The following STPG2 variants were observed in gnomAD, a reference collection of about 807,000 sequenced individuals.
STPG2 encodes sperm tail PG-rich repeat containing 2, also known as sperm-tail PG-rich repeat-containing protein 2.
STPG2 carries 56 observed loss-of-function variants against 54.2 expected under a neutral mutation model. That is an observed-to-expected ratio of 1.03 (90% CI 0.83 to 1.29). The LOEUF is 1.29. Ranked by LOEUF, STPG2 falls within the 50% of genes most tolerant of loss-of-function variation. STPG2 has a pLI of 0.00. For missense variants in STPG2, 596 were observed against 544.9 expected, an observed-to-expected ratio of 1.09 and a Z score of -0.93; for synonymous variants, 200 against 181.8, an observed-to-expected ratio of 1.10 and a Z score of -0.81.
chr4:98,023,696 C>G (rs1343421562), intron 5 of STPG2, among the ~76,000 whole-genome samples: 1 of 152,254 alleles, frequency 6.6e-6, no homozygotes, highest in African/African-American at 2.4e-5. Context: ...TTCGAGCTTT[C>G]TGGCTGCTTT....
intron 5 of STPG2, among the ~76,000 whole-genome samples, chr4:98,042,495 T>A (rs1428045673): frequency 3.3e-5 from 5 of 151,862 alleles, no homozygotes; most frequent in Non-Finnish European, 7.4e-5. Flanking sequence ...TTTTGCTGTG[T>A]CCCAGATGTT....
chr4:97,881,938 A>T (rs368886794), intron 8 of STPG2, among the ~76,000 whole-genome samples: 1 of 152,168 alleles, frequency 6.6e-6, no homozygotes, highest in Admixed American at 6.6e-5. Context: ...TCCTAACAAC[A>T]AAATCTAATT....
chr4:97,586,545 G>A (rs1733002848), intron 10 of STPG2, among the ~76,000 whole-genome samples: 1 of 151,872 alleles, frequency 6.6e-6, no homozygotes, highest in African/African-American at 2.4e-5. Context: ...TTTTGAAAAT[G>A]AAAGACAAAA....
chr4:97,791,109 G>T (rs1726976762), intron 9 of STPG2, among the ~76,000 whole-genome samples: 1 of 152,060 alleles, frequency 6.6e-6, no homozygotes, highest in African/African-American at 2.4e-5. Flanking sequence ...ACTGACATAG[G>T]TTCATTTGAA....
At chr4:98,054,792 A>T (rs958346530) in intron 5 of STPG2, among the ~76,000 whole-genome samples, 7 of 152,190 alleles carry the variant, frequency 4.6e-5, no homozygotes, top group Non-Finnish European at 8.8e-5. Context: ...TCAATAAGTT[A>T]TAAGTTCAGC....
At chr4:97,867,168 T>C (rs1210000017) in intron 8 of STPG2, among the ~76,000 whole-genome samples, 1 of 152,000 alleles carries the variant, frequency 6.6e-6, no homozygotes, top group Non-Finnish European at 1.5e-5. Context: ...GTTTAAGCCT[T>C]TTAGATTATA....
intron 9 of STPG2, among the ~76,000 whole-genome samples, chr4:97,732,082 G>T (rs1444053563): frequency 6.6e-6 from 1 of 151,844 alleles, no homozygotes; most frequent in Non-Finnish European, 1.5e-5. Flanking sequence ...AGACAGCCCT[G>T]CTCTCTCTCA....
chr4:97,528,334 C>G (rs1033521904), intron 4 of STPG2, among the ~76,000 whole-genome samples: 1 of 151,812 alleles, frequency 6.6e-6, no homozygotes, highest in Non-Finnish European at 1.5e-5. Context: ...ATTTCTGAGG[C>G]CTCTGTTCTA....
At chr4:97,594,859 T>C (rs188703075) in intron 10 of STPG2, among the ~76,000 whole-genome samples, 58 of 152,330 alleles carry the variant, frequency 3.8e-4, no homozygotes, top group African/African-American at 1.3e-3. Flanking sequence ...ATGCTCATCA[T>C]CACTGGCCTT....
chr4:97,922,653 C>T (rs960731136), intron 8 of STPG2, among the ~76,000 whole-genome samples: 2 of 152,200 alleles, frequency 1.3e-5, no homozygotes, highest in Non-Finnish European at 2.9e-5. Context: ...TAGGAATCTG[C>T]AAACCATATT....
chr4:97,570,161 G>A (rs558319851), intron 10 of STPG2, among the ~76,000 whole-genome samples: 1 of 152,204 alleles, frequency 6.6e-6, no homozygotes, highest in Admixed American at 6.5e-5. Context: ...ATCCTGGATT[G>A]AATATTGTAT....
chr4:97,574,056 T>C lies in STPG2; in HGVS notation c.1321-14939A>G, dbSNP rs186435354. On this transcript the variant is annotated intron_variant, in intron 10 of 10. Coordinates refer to ENST00000295268, the MANE Select transcript of STPG2 (RefSeq NM_174952.3). ...GAAGAATCTTCATTTGCCATGAAGG[T>C]AACACATTTACTAATTCCAGGGATT... Among the ~76,000 whole-genome samples the C allele has an allele frequency of 3.5e-3, 527 of 152,232 alleles. 4 individuals are homozygous for C. The highest frequency in any genetic ancestry group is 0.012 in the African/African-American group (490 of 41,556).
chr4:98,022,922 A>C (rs571602724), intron 5 of STPG2, among the ~76,000 whole-genome samples: 1 of 151,942 alleles, frequency 6.6e-6, no homozygotes, highest in African/African-American at 2.4e-5. Flanking sequence ...CATTCATCTA[A>C]TTTTTTTCCA....
chr4:97,648,501 C>T (rs746523503), intron 10 of STPG2, among the ~76,000 whole-genome samples: 2 of 152,104 alleles, frequency 1.3e-5, no homozygotes, highest in Admixed American at 6.5e-5. Flanking sequence ...TTACTTGAAT[C>T]GATCTTATGC....
At chr4:97,462,297 C>G (rs1729683271) in intron 4 of STPG2, among the ~76,000 whole-genome samples, 1 of 151,840 alleles carries the variant, frequency 6.6e-6, no homozygotes, top group Admixed American at 6.6e-5. Context: ...TATTGTCTTA[C>G]TTATATTAGT....
In STPG2 at chr4:97,840,936, A is replaced by G. The variant is rs771051659; in HGVS notation, c.1045-4T>C. Reference sequence around the variant, plus strand: ...AGCTGCCTGGCGCTGGAATAACCTGAAAAAAAATTTAATAGATGAGCATAA... The same window carrying G: ...AGCTGCCTGGCGCTGGAATAACCTGGAAAAAAATTTAATAGATGAGCATAA... On this transcript the variant is annotated splice_region_variant and splice_polypyrimidine_tract_variant and intron_variant, in intron 8 of 10. Coordinates refer to ENST00000295268, the MANE Select transcript of STPG2 (RefSeq NM_174952.3). 2.5e-6 allele frequency: 4 copies of G among 1,607,750 alleles called. No individual in the cohort carries two copies. The African/African-American group carries it at 4.0e-5, about 16-fold the overall frequency.
intron 4 of STPG2, among the ~76,000 whole-genome samples, chr4:97,444,222 AG>A (rs1264245229): frequency 2.6e-5 from 4 of 152,178 alleles, no homozygotes; most frequent in African/African-American, 7.2e-5. Flanking sequence ...GAAATGTTAA[AG>A]AAGCAATATT....
chr4:97,571,500 AGTT>A lies in STPG2; in HGVS notation c.1321-12386_1321-12384del, dbSNP rs1186770180. 2.0e-5 allele frequency among the ~76,000 whole-genome samples: 3 copies of A among 152,266 alleles called. No individual in the cohort carries two copies. In the East Asian group the frequency reaches 5.8e-4, roughly 29 times the overall value. ...TTCTCTCTGAAGCCTGCCAGCTAAA[AGTT>A]TCATCTACCTGGTAAAGCTTTGCTC... On this transcript the variant is annotated intron_variant, in intron 10 of 10. Coordinates refer to ENST00000295268, the MANE Select transcript of STPG2 (RefSeq NM_174952.3).
chr4:98,107,532 C>T (rs1271833779), intron 4 of STPG2, among the ~76,000 whole-genome samples: 1 of 151,166 alleles, frequency 6.6e-6, no homozygotes, highest in Non-Finnish European at 1.5e-5. Context: ...AAAGCAACAG[C>T]ACAACAAATG....
Sources: gnomAD v4.1 joint callset for allele counts (sites outside exome capture counted in the v4.1 genomes callset) on GRCh38, gnomAD v4.1.1 for gene constraint, MANE v1.5 for transcripts, NCBI Gene and HGNC (gene_info 2026-07-23, HGNC 2026-07-21) for gene names.